Variants in RASEF observed in about 807,000 individuals in gnomAD.
RASEF encodes RAS and EF-hand domain containing.
RASEF carries 68 observed loss-of-function variants against 90.1 expected under a neutral mutation model. The observed-to-expected ratio is 0.75, with a 90% CI of 0.62 to 0.92. RASEF has a LOEUF of 0.92. RASEF is among the 40% of genes least tolerant of loss of function. The pLI is 0.00. For synonymous variants in RASEF, 331 were observed against 345.2 expected (o/e 0.96, Z 0.46); for missense variants, 949 against 937.2 (o/e 1.01, Z -0.16).
the RASEF span, among the ~76,000 whole-genome samples, chr9:83,187,205 A>G: frequency 1.3e-5 from 2 of 151,860 alleles, no homozygotes; most frequent in Admixed American, 6.6e-5. Flanking sequence ...CTTCCTGACT[A>G]TCTGGTATCT....
At chr9:83,166,296 T>TA in the RASEF span, among the ~76,000 whole-genome samples, 1 of 152,168 alleles carries the variant, frequency 6.6e-6, no homozygotes, top group African/African-American at 2.4e-5. Context: ...GCAATGTATT[T>TA]AAAAAATTAT....
At chr9:82,994,193 G>A (rs1409501647) in intron 14 of RASEF, among the ~76,000 whole-genome samples, 1 of 152,184 alleles carries the variant, frequency 6.6e-6, no homozygotes, top group East Asian at 1.9e-4. Flanking sequence ...AAAGGAAAGG[G>A]AATGAATGGC....
the RASEF span, among the ~76,000 whole-genome samples, chr9:83,098,523 T>C: frequency 6.6e-6 from 1 of 152,202 alleles, no homozygotes; most frequent in Non-Finnish European, 1.5e-5. Context: ...ATCTCCCTAA[T>C]ATCATTATAA....
intron 1 of RASEF, among the ~76,000 whole-genome samples, chr9:83,057,374 G>C (rs1181865162): frequency 6.6e-6 from 1 of 152,180 alleles, no homozygotes; most frequent in African/African-American, 2.4e-5. Context: ...AGAAAAATCA[G>C]TAGCATTTGT....
chr9:83,085,971 C>G, the RASEF span, among the ~76,000 whole-genome samples: 3 of 151,982 alleles, frequency 2.0e-5, no homozygotes, highest in African/African-American at 7.3e-5. Context: ...AATCTTCAAA[C>G]AGTAACTAAT....
the RASEF span, among the ~76,000 whole-genome samples, chr9:83,175,740 C>T: frequency 2.0e-5 from 3 of 152,064 alleles, no homozygotes; most frequent in African/African-American, 7.2e-5. Flanking sequence ...ACTGCCATGC[C>T]CGGCTAATTT....
At chr9:83,134,161 A>G in the RASEF span, among the ~76,000 whole-genome samples, 1 of 152,262 alleles carries the variant, frequency 6.6e-6, no homozygotes, top group East Asian at 1.9e-4. Context: ...ACTTACATCC[A>G]GACTTTCTGA....
chr9:83,033,911 G>T (rs1829691310), intron 1 of RASEF, among the ~76,000 whole-genome samples: 1 of 152,080 alleles, frequency 6.6e-6, no homozygotes, highest in Non-Finnish European at 1.5e-5. Context: ...TCGATGCCCT[G>T]AACGAATCAC....
At chr9:82,988,727 AG>A (rs1254134379) in intron 16 of RASEF, among the ~76,000 whole-genome samples, 1 of 152,084 alleles carries the variant, frequency 6.6e-6, no homozygotes, top group East Asian at 1.9e-4. Context: ...ACCTTCCACC[AG>A]GAGTAAACGC....
chr9:83,018,420 G>A (rs953702327), intron 3 of RASEF, among the ~76,000 whole-genome samples: 1 of 152,070 alleles, frequency 6.6e-6, no homozygotes, highest in Admixed American at 6.5e-5. Flanking sequence ...TACAAGATCT[G>A]TACAGTGAAT....
At chr9:82,987,514 A>AT (rs2118369558) in intron 16 of RASEF, among the ~76,000 whole-genome samples, 1 of 151,876 alleles carries the variant, frequency 6.6e-6, no homozygotes, top group East Asian at 2.0e-4. Flanking sequence ...TCGAAGCTTC[A>AT]TTGTAAGCAG....
chr9:83,024,964 A>G (rs1829516645), intron 2 of RASEF, among the ~76,000 whole-genome samples: 1 of 152,210 alleles, frequency 6.6e-6, no homozygotes, highest in African/African-American at 2.4e-5. Flanking sequence ...CACGACAGCA[A>G]GGAGCATCCG....
At chr9:83,115,124 G>C in the RASEF span, among the ~76,000 whole-genome samples, 1 of 152,124 alleles carries the variant, frequency 6.6e-6, no homozygotes, top group Non-Finnish European at 1.5e-5. Context: ...AGGGAAAATA[G>C]AAAAGAGCCT....
At chr9:82,986,666 G>T (rs930909820) in intron 16 of RASEF, among the ~76,000 whole-genome samples, 4 of 152,202 alleles carry the variant, frequency 2.6e-5, no homozygotes, top group African/African-American at 7.2e-5. Flanking sequence ...CTTAACAACT[G>T]CAGTTTAATT....
intron 1 of RASEF, chr9:83,055,451 C>T: frequency 1.5e-6 from 1 of 645,268 alleles, no homozygotes; most frequent in Non-Finnish European, 2.8e-6. Flanking sequence ...GTCTCGCACT[C>T]CGTAGTGAGA....
chr9:83,145,739 AAAAAT>A, the RASEF span, among the ~76,000 whole-genome samples: 75 of 152,252 alleles, frequency 4.9e-4, no homozygotes, highest in Non-Finnish European at 8.8e-4. Context: ...AAATGGGTAA[AAAAAT>A]AAAATAAGGC....
the RASEF span, among the ~76,000 whole-genome samples, chr9:83,215,241 C>T: frequency 1.3e-5 from 2 of 152,190 alleles, no homozygotes; most frequent in African/African-American, 4.8e-5. Context: ...ACTTCACATT[C>T]ATCCTTCAAG....
At chr9:83,009,328 G>T (rs1003558944) in intron 6 of RASEF, among the ~76,000 whole-genome samples, 2 of 152,028 alleles carry the variant, frequency 1.3e-5, no homozygotes, top group African/African-American at 2.4e-5. Flanking sequence ...TTTATGGCCA[G>T]GATTCCTGAC....
chr9:83,211,394 GA>G, the RASEF span, among the ~76,000 whole-genome samples: 9 of 152,202 alleles, frequency 5.9e-5, no homozygotes, highest in Non-Finnish European at 1.2e-4. Flanking sequence ...AGGTAGCCAT[GA>G]TTCTGCTGGG....
Sources: gnomAD v4.1 joint callset for allele counts (sites outside exome capture counted in the v4.1 genomes callset) on GRCh38, gnomAD v4.1.1 for gene constraint, MANE v1.5 for transcripts, NCBI Gene and HGNC (gene_info 2026-07-23, HGNC 2026-07-21) for gene names.